Variants in LRRC28 observed in about 807,000 individuals in gnomAD.
The protein encoded by LRRC28 is leucine rich repeat containing 28.
In LRRC28, 39 loss-of-function variants were observed where a neutral mutation model predicts 45.7. The ratio of observed to expected loss-of-function variants is 0.85; its 90% CI spans 0.66 to 1.12. The LOEUF (loss-of-function observed/expected upper bound fraction) is 1.12, where lower values mean the gene tolerates loss of function less well. Among genes scored for constraint, LRRC28 ranks in the 50% most tolerant of loss-of-function variants. The pLI, the probability that LRRC28 is intolerant of heterozygous loss-of-function variation, is 0.00. For synonymous variants in LRRC28, 206 were observed against 178.8 expected, an observed-to-expected ratio of 1.15 and a Z score of -1.22; for missense variants, 435 against 438.5, an observed-to-expected ratio of 0.99 and a Z score of 0.07.
At chr15:99,258,186 C>G (rs978454727) in intron 2 of LRRC28, 35 of 1,612,196 alleles carry the variant, frequency 2.2e-5, no homozygotes, top group Non-Finnish European at 2.9e-5. Context: ...CAGTCAACTT[C>G]TGAATTGATT....
intron 6 of LRRC28, among the ~76,000 whole-genome samples, chr15:99,346,527 A>G (rs1158739767): frequency 2.0e-5 from 3 of 152,234 alleles, no homozygotes; most frequent in Non-Finnish European, 4.4e-5. Flanking sequence ...GGATCTGGCA[A>G]TGCCGTGTTG....
chr15:99,270,565 A>G (rs1325281167), intron 2 of LRRC28, among the ~76,000 whole-genome samples: 1 of 152,150 alleles, frequency 6.6e-6, no homozygotes, highest in Non-Finnish European at 1.5e-5. Context: ...ACTTAGCAAA[A>G]TGTTTCCAAG....
intron 2 of LRRC28, among the ~76,000 whole-genome samples, chr15:99,276,081 G>T (rs2081609845): frequency 6.6e-6 from 1 of 151,826 alleles, no homozygotes; most frequent in African/African-American, 2.4e-5. Context: ...TTGTGCACTT[G>T]TTATGAGAAT....
chr15:99,348,440 G>A (rs1956764938), intron 6 of LRRC28, among the ~76,000 whole-genome samples: 1 of 151,996 alleles, frequency 6.6e-6, no homozygotes, highest in East Asian at 1.9e-4. Context: ...ATTTTGAGTT[G>A]GTTTTTGTGT....
At chr15:99,368,344 C>T (rs1957395447) in intron 9 of LRRC28, among the ~76,000 whole-genome samples, 1 of 152,172 alleles carries the variant, frequency 6.6e-6, no homozygotes, top group African/African-American at 2.4e-5. Context: ...ATAGACATTC[C>T]TATTCCACAA....
intron 8 of LRRC28, among the ~76,000 whole-genome samples, chr15:99,361,990 G>T (rs1957217719): frequency 6.6e-6 from 1 of 152,218 alleles, no homozygotes; most frequent in Non-Finnish European, 1.5e-5. Context: ...GCAATATGTA[G>T]ACCTAAAGGA....
intron 2 of LRRC28, chr15:99,259,498 G>A (rs1466959763): frequency 8.6e-7 from 1 of 1,158,522 alleles, no homozygotes; most frequent in African/African-American, 1.5e-5. Flanking sequence ...AAGCCATTAA[G>A]GACAAGATTG....
At chr15:99,273,505 G>A (rs1281647709) in intron 2 of LRRC28, among the ~76,000 whole-genome samples, 6 of 152,226 alleles carry the variant, frequency 3.9e-5, no homozygotes, top group South Asian at 2.1e-4. Flanking sequence ...CCAAAGTGCT[G>A]AGATTACAGG....
At chr15:99,296,747 T>C (rs1487375871) in intron 5 of LRRC28, among the ~76,000 whole-genome samples, 2 of 152,110 alleles carry the variant, frequency 1.3e-5, no homozygotes, top group African/African-American at 4.8e-5. Context: ...CTAGAGAAAG[T>C]GGGCACTAAG....
chr15:99,343,220 T>C (rs1371011216), intron 6 of LRRC28, among the ~76,000 whole-genome samples: 1 of 152,264 alleles, frequency 6.6e-6, no homozygotes, highest in Non-Finnish European at 1.5e-5. Flanking sequence ...TTTTGCCCCA[T>C]CATTTTGTTG....
Position 99,334,245 on chromosome 15 carries a change from T to C in LRRC28, c.592+116T>C. The C allele has an allele frequency of 9.2e-6, 11 of 1,201,002 alleles. No homozygotes were observed. The South Asian group carries it at 1.6e-4, about 17-fold the overall frequency. 74.4% of individuals were successfully genotyped at this position (1,201,002 alleles called of 1,614,324 possible). ...TTCTGTTTATCTTGACGATTGCTTC[T>C]CTAAGTTTGTTTTTGCAGTGAACAA... On this transcript the variant is annotated intron_variant, in intron 6 of 9. Coordinates refer to ENST00000301981, the MANE Select transcript of LRRC28 (RefSeq NM_144598.5).
intron 2 of LRRC28, among the ~76,000 whole-genome samples, chr15:99,273,337 G>T (rs748682251): frequency 1.3e-4 from 20 of 150,332 alleles, no homozygotes; most frequent in African/African-American, 2.0e-4. Flanking sequence ...CCCGGGTTCA[G>T]GCCATTTTCC....
chr15:99,283,319 A>T (rs1032790323), intron 3 of LRRC28, among the ~76,000 whole-genome samples: 1 of 151,178 alleles, frequency 6.6e-6, no homozygotes, highest in Non-Finnish European at 1.5e-5. Context: ...ACATCTTAGA[A>T]TTCCATGGTA....
At chr15:99,282,176 G>GTTTTTTTTTTTTTTTTTTTTTTTTT (rs1476287973) in intron 3 of LRRC28, among the ~76,000 whole-genome samples, 1 of 33,874 alleles carries the variant, frequency 3.0e-5, no homozygotes, top group Non-Finnish European at 5.5e-5. Context: ...AATTTTTGGA[G>GTTTTTTTTTTTTTTTTTTTTTTTTT]GTTTTTTTTT....
intron 5 of LRRC28, among the ~76,000 whole-genome samples, chr15:99,305,050 A>G (rs899100723): frequency 6.6e-6 from 1 of 152,144 alleles, no homozygotes; most frequent in Non-Finnish European, 1.5e-5. Flanking sequence ...GCCAGATCTT[A>G]GCGGTAGGAG....
At chr15:99,385,989 T>C in intron 9 of LRRC28, 41 bp from the exon 10 acceptor site, 1 of 1,572,998 alleles carries the variant, frequency 6.4e-7, no homozygotes, top group Non-Finnish European at 8.8e-7. Context: ...GACTTTAATC[T>C]TGAACTCACA....
At chr15:99,298,365 G>A (rs937049024) in intron 5 of LRRC28, among the ~76,000 whole-genome samples, 3 of 152,172 alleles carry the variant, frequency 2.0e-5, no homozygotes, top group African/African-American at 7.2e-5. Flanking sequence ...TGATGTGAGA[G>A]CAGTATGCAG....
chr15:99,368,359 G>A (rs1272512025), intron 9 of LRRC28, among the ~76,000 whole-genome samples: 1 of 152,106 alleles, frequency 6.6e-6, no homozygotes, highest in Non-Finnish European at 1.5e-5. Context: ...CCACAAGTGA[G>A]AATGCTAGAA....
At chr15:99,326,996 TTAGAA>T (rs1956002414) in intron 5 of LRRC28, among the ~76,000 whole-genome samples, 1 of 152,218 alleles carries the variant, frequency 6.6e-6, no homozygotes. Flanking sequence ...GAAATATTTG[TTAGAA>T]TAGAAAAGCC....
Sources: gnomAD v4.1 joint callset for allele counts (sites outside exome capture counted in the v4.1 genomes callset) on GRCh38, gnomAD v4.1.1 for gene constraint, MANE v1.5 for transcripts, NCBI Gene and HGNC (gene_info 2026-07-23, HGNC 2026-07-21) for gene names.